Variants in CACNA2D3 observed in about 807,000 individuals in gnomAD.
The protein encoded by CACNA2D3 is voltage-dependent calcium channel subunit alpha-2/delta-3.
In CACNA2D3, 60 loss-of-function variants were observed where a neutral mutation model predicts 160.6. The observed-to-expected ratio is 0.37, with a 90% confidence interval of 0.30 to 0.46. The LOEUF (loss-of-function observed/expected upper bound fraction) is 0.46. CACNA2D3 is among the 20% of genes least tolerant of loss of function. CACNA2D3 has a pLI of 1.00. For missense variants in CACNA2D3, 1,205 were observed against 1,365.0 expected (o/e 0.88, Z 1.85); for synonymous variants, 558 against 492.9 (o/e 1.13, Z -1.75).
intron 29 of CACNA2D3, among the ~76,000 whole-genome samples, chr3:54,979,794 TGTCA>T (rs1702468668): frequency 1.3e-5 from 2 of 152,104 alleles, no homozygotes; most frequent in African/African-American, 4.8e-5. Context: ...TCAATAGCAC[TGTCA>T]GAGTTCTATA....
At chr3:54,994,244 T>G (rs1378547402) in intron 31 of CACNA2D3, among the ~76,000 whole-genome samples, 2 of 152,216 alleles carry the variant, frequency 1.3e-5, no homozygotes, top group African/African-American at 4.8e-5. Flanking sequence ...ACATTACACT[T>G]CAGCGAGTGC....
At chr3:54,717,244 C>T (rs1701067348) in intron 11 of CACNA2D3, among the ~76,000 whole-genome samples, 1 of 152,156 alleles carries the variant, frequency 6.6e-6, no homozygotes, top group African/African-American at 2.4e-5. Flanking sequence ...GATATGTAGA[C>T]TCTTTCCAGT....
At chr3:54,512,767 A>G (rs373022090) in intron 5 of CACNA2D3, among the ~76,000 whole-genome samples, 167 of 152,304 alleles carry the variant, frequency 1.1e-3, no homozygotes, top group African/African-American at 3.9e-3. Context: ...CTTGGTGTCT[A>G]TGTCAGTGAA....
rs976463324 is a variant in CACNA2D3, at chr3:54,636,657, G to T, written c.1054-5471G>T. Among the ~76,000 whole-genome samples, 3 of 152,014 alleles carry T rather than the reference G, an allele frequency of 2.0e-5. No individual in the cohort carries two copies. The South Asian group carries it at 6.2e-4, about 32-fold the overall frequency. The stretch of plus-strand genomic sequence containing the variant: ...TACAGGGTGTGGTCCTGGCTCTTGT[G>T]TAAGAATTCTGACTGCACTATAACC... On this transcript the variant is annotated intron_variant, in intron 10 of 37. Transcript: ENST00000474759.
chr3:55,073,878 C>T lies in CACNA2D3; in HGVS notation c.3183+19C>T. On this transcript the variant is annotated intron_variant, in intron 37 of 37. Coordinates refer to ENST00000474759, the MANE Select transcript of CACNA2D3 (RefSeq NM_018398.3). ...TCCTGAGGTAAGTCTGAGAACTGTTCCTGTTTCCTTTTCCCATCAGAATCA... is the reference window on the plus strand; with the variant it reads ...TCCTGAGGTAAGTCTGAGAACTGTTTCTGTTTCCTTTTCCCATCAGAATCA... The T allele has an allele frequency of 6.3e-7, 1 of 1,598,576 alleles. No individual in the cohort carries two copies. Among genetic ancestry groups the T allele is most frequent in the Non-Finnish European group, 8.6e-7 (1 of 1,166,696 alleles).
intron 2 of CACNA2D3, among the ~76,000 whole-genome samples, chr3:54,152,210 C>A (rs916929083): frequency 2.6e-5 from 4 of 152,184 alleles, no homozygotes; most frequent in Non-Finnish European, 1.5e-5. Flanking sequence ...AGCCTGGCAC[C>A]AACATGTAGT....
intron 2 of CACNA2D3, among the ~76,000 whole-genome samples, chr3:54,127,810 A>G (rs910972078): frequency 6.6e-6 from 1 of 152,224 alleles, no homozygotes; most frequent in African/African-American, 2.4e-5. Context: ...GGGCAAACCA[A>G]TGAGCATTCA....
chr3:54,780,760 C>T (rs763755925), intron 13 of CACNA2D3, among the ~76,000 whole-genome samples: 25 of 152,124 alleles, frequency 1.6e-4, no homozygotes, highest in African/African-American at 3.9e-4. Context: ...CTGAAGAAGA[C>T]GCTAAGAAAT....
At chr3:54,914,099 C>T (rs1029223222) in intron 27 of CACNA2D3, among the ~76,000 whole-genome samples, 10 of 152,170 alleles carry the variant, frequency 6.6e-5, no homozygotes, top group Non-Finnish European at 1.3e-4. Flanking sequence ...ACCCCATCTC[C>T]TGCAACTGCA....
At chr3:54,469,357 C>G (rs1575474009) in intron 4 of CACNA2D3, among the ~76,000 whole-genome samples, 1 of 151,796 alleles carries the variant, frequency 6.6e-6, no homozygotes, top group Non-Finnish European at 1.5e-5. Flanking sequence ...GAAGGAAAAC[C>G]AACAGAAAGG....
At chr3:54,662,226 C>T (rs1699987336) in intron 11 of CACNA2D3, among the ~76,000 whole-genome samples, 1 of 152,004 alleles carries the variant, frequency 6.6e-6, no homozygotes, top group Admixed American at 6.5e-5. Context: ...TGCTGGGAGC[C>T]TCTATGCTAC....
At chr3:54,647,775 C>T (rs946780036) in intron 11 of CACNA2D3, among the ~76,000 whole-genome samples, 1 of 152,232 alleles carries the variant, frequency 6.6e-6, no homozygotes, top group African/African-American at 2.4e-5. Flanking sequence ...GTGATTTTAA[C>T]TGTGAGCCTA....
intron 2 of CACNA2D3, among the ~76,000 whole-genome samples, chr3:54,147,173 G>C (rs1700047836): frequency 6.6e-6 from 1 of 152,228 alleles, no homozygotes; most frequent in South Asian, 2.1e-4. Flanking sequence ...TGCACTGCCT[G>C]CTGGCTGTCA....
At chr3:54,932,397 C>A (rs1472289450) in intron 27 of CACNA2D3, among the ~76,000 whole-genome samples, 1 of 151,956 alleles carries the variant, frequency 6.6e-6, no homozygotes, top group African/African-American at 2.4e-5. Flanking sequence ...AGGTCAGTCA[C>A]CAAACTGATA....
In CACNA2D3 at chr3:54,664,583, C is replaced by T. The variant is rs541111943; in HGVS notation, c.1167+22342C>T. On this transcript the variant is annotated intron_variant, in intron 11 of 37. Transcript: ENST00000474759. ...TTTATAAGTTAACTGCAAATGAAAC[C>T]GCCTGGTTGTACCTCTCATTTTCCT... 2.7e-3 allele frequency among the ~76,000 whole-genome samples: 407 copies of T among 152,296 alleles called. 22 individuals carry two copies. In the South Asian group the frequency reaches 0.081, roughly 30 times the overall value.
chr3:54,179,134 A>C (rs1266609213), intron 2 of CACNA2D3, among the ~76,000 whole-genome samples: 1 of 152,200 alleles, frequency 6.6e-6, no homozygotes, highest in African/African-American at 2.4e-5. Flanking sequence ...TGTGACCCTC[A>C]TCAGAGGCCC....
chr3:55,040,423 T>C (rs184753487), intron 35 of CACNA2D3, among the ~76,000 whole-genome samples: 186 of 152,344 alleles, frequency 1.2e-3, no homozygotes, highest in Non-Finnish European at 1.9e-3. Flanking sequence ...TCAATATTGT[T>C]GCTAAAAGTA....
chr3:54,684,471 G>A lies in CACNA2D3; in HGVS notation c.1167+42230G>A, dbSNP rs144301084. On this transcript the variant is annotated intron_variant, in intron 11 of 37. Coordinates refer to ENST00000474759, the MANE Select transcript of CACNA2D3 (RefSeq NM_018398.3). ...TTTATTTTAGGCTGGAGGGAGCCTT[G>A]GCTTCATTCTGGATCAAGCACATCA... 4.7e-3 allele frequency among the ~76,000 whole-genome samples: 714 copies of A among 152,262 alleles called. 10 individuals carry two copies. The highest frequency in any genetic ancestry group is 0.016 in the African/African-American group (682 of 41,526).
At chr3:54,871,182 GACACACACACACACACAC>G (rs376258511) in intron 17 of CACNA2D3, among the ~76,000 whole-genome samples, 6 of 127,712 alleles carry the variant, frequency 4.7e-5, no homozygotes, top group Non-Finnish European at 9.8e-5. Flanking sequence ...TATAGGTGGA[GACACACACACACACACAC>G]ACACACACAC....
Sources: allele counts gnomAD v4.1 joint callset (sites outside exome capture counted in the v4.1 genomes callset), GRCh38; gene constraint gnomAD v4.1.1; transcripts MANE v1.5; gene names NCBI Gene and HGNC (gene_info 2026-07-23, HGNC 2026-07-21).